Variants in PCDHA12 observed in about 807,000 individuals in gnomAD.
PCDHA12 encodes protocadherin alpha-12.
PCDHA12 carries 44 observed loss-of-function variants against 60.0 expected under a neutral mutation model. The observed-to-expected ratio is 0.73, with a 90% CI of 0.58 to 0.94. The LOEUF is 0.94. Ranked by LOEUF, PCDHA12 falls within the 40% of genes least tolerant of loss-of-function variation. PCDHA12 has a pLI of 0.00. For missense variants in PCDHA12, 1,276 were observed against 1,239.7 expected (o/e 1.03, Z -0.44); for synonymous variants, 569 against 553.0 (o/e 1.03, Z -0.40).
chr5:140,900,566 G>A (rs1554189260), intron 1 of PCDHA12, among the ~76,000 whole-genome samples: 1 of 152,054 alleles, frequency 6.6e-6, no homozygotes, highest in Non-Finnish European at 1.5e-5. Flanking sequence ...CGTGAGCCAC[G>A]GCACCGGCCC....
At chr5:140,950,549 G>A (rs1023288540) in intron 1 of PCDHA12, among the ~76,000 whole-genome samples, 1 of 151,948 alleles carries the variant, frequency 6.6e-6, no homozygotes, top group African/African-American at 2.4e-5. Context: ...TGCATGGCTG[G>A]GGGGACACTT....
chr5:140,926,641 C>A, intron 1 of PCDHA12: 1 of 460,388 alleles, frequency 2.2e-6, no homozygotes, highest in Non-Finnish European at 3.6e-6. Flanking sequence ...TCCTCAACAC[C>A]CGGCCGGCTC....
chr5:140,975,244 A>G (rs934948446), intron 1 of PCDHA12, among the ~76,000 whole-genome samples: 6 of 152,120 alleles, frequency 3.9e-5, no homozygotes. Flanking sequence ...AATCCCTCTT[A>G]TGCTTCAGAT....
At chr5:140,986,427 G>A (rs937088313) in intron 3 of PCDHA12, among the ~76,000 whole-genome samples, 19 of 152,186 alleles carry the variant, frequency 1.2e-4, no homozygotes, top group African/African-American at 4.6e-4. Context: ...TTAACTTCAT[G>A]AGTACTAATG....
Position 140,876,481 on chromosome 5 carries a change from C to G in PCDHA12, c.1009C>G (p.Leu337Val). 1 of 1,613,996 alleles carries G rather than the reference C, an allele frequency of 6.2e-7. No homozygotes were observed. Among genetic ancestry groups the G allele is most frequent in the Non-Finnish European group, 8.5e-7 (1 of 1,179,896 alleles). Residue 337 changes from leucine (L) to valine (V), a missense_variant, in exon 1 of 4, where the codon CTG (leucine) becomes GTG (valine). Physicochemically the swap from Leu to Val is conservative, Grantham distance 32 (BLOSUM62 1). Coordinates refer to ENST00000398631, the MANE Select transcript of PCDHA12 (RefSeq NM_018903.4). Reference protein sequence around the residue: ...IPSMAGHSMVLVEVLDVNDNV... With the variant: ...IPSMAGHSMVVVEVLDVNDNV... The stretch of plus-strand genomic sequence containing the variant: ...TTCCATGGCAGGTCACAGCATGGTC[C>G]TGGTGGAAGTTCTGGACGTGAATGA...
chr5:140,984,656 G>A (rs1465387950), intron 3 of PCDHA12, among the ~76,000 whole-genome samples: 2 of 152,082 alleles, frequency 1.3e-5, no homozygotes, highest in Non-Finnish European at 2.9e-5. Context: ...TGTCCTTCTG[G>A]TACTTTTAGG....
chr5:141,004,144 A>C (rs1451902723), intron 3 of PCDHA12, among the ~76,000 whole-genome samples: 3 of 152,250 alleles, frequency 2.0e-5, no homozygotes, highest in Non-Finnish European at 2.9e-5. Context: ...CCCCAAAGGC[A>C]TGACATTTTA....
Position 140,978,929 on chromosome 5 carries a change from C to T in PCDHA12, c.2368-20C>T. 6.2e-7 allele frequency: 1 copy of T among 1,613,998 alleles called. No homozygotes were observed. Among genetic ancestry groups the T allele is most frequent in the Non-Finnish European group, 8.5e-7 (1 of 1,179,996 alleles). On this transcript the variant is annotated intron_variant, in intron 1 of 3. Coordinates refer to ENST00000398631, the MANE Select transcript of PCDHA12 (RefSeq NM_018903.4). ...ATTGTCTTGTCATTTTAACAGAAAACTCTCTTTGTGATTTTGCAGCCACGA... is the reference window on the plus strand; with the variant it reads ...ATTGTCTTGTCATTTTAACAGAAAATTCTCTTTGTGATTTTGCAGCCACGA...
chr5:140,982,701 T>C, intron 3 of PCDHA12, 138 bp downstream of exon 3: 1 of 1,383,086 alleles, frequency 7.2e-7, no homozygotes, highest in South Asian at 1.6e-5. Flanking sequence ...CATACATGAT[T>C]TCCTTACATA....
chr5:141,009,563 C>A, intron 3 of PCDHA12, 64 bp from the exon 4 acceptor site: 1 of 1,571,920 alleles, frequency 6.4e-7, no homozygotes, highest in Non-Finnish European at 8.6e-7. Flanking sequence ...TGTACTCTAC[C>A]AGCAGTGTGG....
At chr5:140,967,789 T>A (rs782032459) in intron 1 of PCDHA12, 2 of 1,614,076 alleles carry the variant, frequency 1.2e-6, no homozygotes, top group Non-Finnish European at 1.7e-6. Context: ...CTGACCGGGG[T>A]CCAGTGCCCA....
chr5:140,928,012 A>G (rs2084863036), intron 1 of PCDHA12: 2 of 1,614,190 alleles, frequency 1.2e-6, no homozygotes, highest in African/African-American at 2.7e-5. Context: ...TTCTAATGGT[A>G]GGGTCATTTG....
At chr5:140,956,281 G>A (rs551518322) in intron 1 of PCDHA12, among the ~76,000 whole-genome samples, 14 of 152,008 alleles carry the variant, frequency 9.2e-5, no homozygotes, top group Admixed American at 2.0e-4. Flanking sequence ...ATTGGCTGTG[G>A]GTTTATCATA....
intron 1 of PCDHA12, chr5:140,929,822 A>G (rs1554207413): frequency 1.9e-5 from 3 of 157,286 alleles, no homozygotes; most frequent in African/African-American, 2.4e-5. Flanking sequence ...GAAAGGGAAC[A>G]TAAGAGAACA....
rs377133743 is a variant in PCDHA12 at position 140,875,740 on chromosome 5, A to C, written c.268A>C (p.Ile90Leu). The C allele has an allele frequency of 2.1e-4, 339 of 1,614,222 alleles. No individual in the cohort carries two copies. The African/African-American group carries it at 4.0e-3, about 19-fold the overall frequency. The change falls in exon 1 of 4, where the codon ATC (isoleucine) becomes CTC (leucine). Residue 90 changes from isoleucine to leucine, a missense_variant. Physicochemically the swap from Ile to Leu is conservative, Grantham distance 5. Coordinates refer to ENST00000398631, the MANE Select transcript of PCDHA12 (RefSeq NM_018903.4). ...QNGILFVNSRIDREKLCGRSA... is the reference protein window; with the variant it reads ...QNGILFVNSRLDREKLCGRSA... ...TGGCATTTTGTTTGTGAATTCTCGG[A>C]TCGACCGCGAGAAGCTGTGCGGGCG...
chr5:141,000,447 G>C (rs2097938373), intron 3 of PCDHA12, among the ~76,000 whole-genome samples: 1 of 41,758 alleles, frequency 2.4e-5, no homozygotes, highest in Admixed American at 2.7e-4. Flanking sequence ...TTTTTTTTGA[G>C]ACAGAGTTTT....
chr5:140,926,373 G>A (rs1040164585), intron 1 of PCDHA12: 3 of 152,370 alleles, frequency 2.0e-5, no homozygotes, highest in African/African-American at 4.8e-5. Context: ...GGCAGGAAGA[G>A]CCCAGCTGGG....
At chr5:140,914,488 G>T (rs1437401245) in intron 1 of PCDHA12, among the ~76,000 whole-genome samples, 1 of 152,080 alleles carries the variant, frequency 6.6e-6, no homozygotes, top group Non-Finnish European at 1.5e-5. Flanking sequence ...AGTGTTTCTT[G>T]TGGGCAACAG....
intron 1 of PCDHA12, among the ~76,000 whole-genome samples, chr5:140,941,215 C>CTTT (rs782548958): frequency 2.3e-4 from 24 of 104,510 alleles, no homozygotes; most frequent in African/African-American, 3.3e-4. Context: ...TTCTTTCTTC[C>CTTT]TTTCTTTCTT....
Sources: gnomAD v4.1 joint callset for allele counts (sites outside exome capture counted in the v4.1 genomes callset) on GRCh38, gnomAD v4.1.1 for gene constraint, MANE v1.5 for transcripts, NCBI Gene and HGNC (gene_info 2026-07-23, HGNC 2026-07-21) for gene names.